Variants in MARCHF1 observed in about 807,000 individuals in gnomAD.
MARCHF1 encodes E3 ubiquitin-protein ligase MARCHF1.
MARCHF1 carries 40 observed loss-of-function variants against 54.2 expected under a neutral mutation model. The ratio of observed to expected loss-of-function variants is 0.74; its 90% CI spans 0.57 to 0.96. The LOEUF is 0.96. MARCHF1 is among the 40% of genes least tolerant of loss of function. The pLI, the probability that MARCHF1 is intolerant of heterozygous loss-of-function variation, is 0.00. For synonymous variants in MARCHF1, 236 were observed against 236.3 expected (o/e 1.00, Z 0.01); for missense variants, 586 against 656.5 (o/e 0.89, Z 1.17).
chr4:163,625,767 T>C (rs754977860), intron 5 of MARCHF1, among the ~76,000 whole-genome samples: 1 of 152,232 alleles, frequency 6.6e-6, no homozygotes, highest in Non-Finnish European at 1.5e-5. Flanking sequence ...TTGTAAAGTA[T>C]GAATTTCTAT....
intron 1 of MARCHF1, among the ~76,000 whole-genome samples, chr4:164,148,062 TTTTCA>T (rs2110895910): frequency 6.6e-6 from 1 of 152,126 alleles, no homozygotes; most frequent in South Asian, 2.1e-4. Context: ...TACTCAGTCC[TTTTCA>T]TTTCATATTT....
chr4:164,309,254 CTGTGTGTGTGTGTGTGTGTG>C (rs10577361), intron 1 of MARCHF1, among the ~76,000 whole-genome samples: 1 of 147,848 alleles, frequency 6.8e-6, no homozygotes, highest in African/African-American at 2.5e-5. Context: ...AATTTCTAAC[CTGTGTGTGTGTGTGTGTGTG>C]TGTGTGTGTG....
At position 163,811,042 on chromosome 4, in the gene MARCHF1, T is replaced by C. The variant is rs201664228; in HGVS notation, c.111+42979A>G. On this transcript the variant is annotated intron_variant, in intron 4 of 9. Coordinates refer to ENST00000514618, the MANE Select transcript of MARCHF1 (RefSeq NM_001394959.1). ...GTTTCACTACAGTAAAAGGTGATCATAATGGAAACCTGTCAGTTTTTGCCT... is the reference window on the plus strand; with the variant it reads ...GTTTCACTACAGTAAAAGGTGATCACAATGGAAACCTGTCAGTTTTTGCCT... Among the ~76,000 whole-genome samples the C allele has an allele frequency of 2.0e-4, 31 of 152,292 alleles. No homozygotes were observed. In the East Asian group the frequency reaches 5.6e-3, roughly 27 times the overall value.
At chr4:163,773,139 C>T (rs886810446) in intron 4 of MARCHF1, among the ~76,000 whole-genome samples, 11 of 152,092 alleles carry the variant, frequency 7.2e-5, no homozygotes, top group Non-Finnish European at 1.5e-4. Flanking sequence ...GTGCAGAGTC[C>T]AGCAGGAGAC....
At chr4:163,708,549 T>C (rs1170527962) in intron 4 of MARCHF1, among the ~76,000 whole-genome samples, 3 of 152,162 alleles carry the variant, frequency 2.0e-5, no homozygotes, top group African/African-American at 2.4e-5. Flanking sequence ...ATTGGATCTC[T>C]GGCATTTGAG....
At chr4:163,817,559 T>C (rs969834994) in intron 4 of MARCHF1, among the ~76,000 whole-genome samples, 2 of 152,040 alleles carry the variant, frequency 1.3e-5, no homozygotes, top group African/African-American at 4.8e-5. Flanking sequence ...GGTAATGAGA[T>C]CTACTTTCAC....
intron 1 of MARCHF1, among the ~76,000 whole-genome samples, chr4:164,151,990 A>T (rs1729955603): frequency 6.6e-6 from 1 of 151,836 alleles, no homozygotes; most frequent in Non-Finnish European, 1.5e-5. Context: ...ATATCTATAC[A>T]CTCATTTATT....
At chr4:163,733,990 A>G (rs1745958745) in intron 4 of MARCHF1, among the ~76,000 whole-genome samples, 1 of 152,210 alleles carries the variant, frequency 6.6e-6, no homozygotes, top group South Asian at 2.1e-4. Context: ...TTAAAGATGT[A>G]CAAATATTTG....
intron 5 of MARCHF1, among the ~76,000 whole-genome samples, chr4:163,670,902 A>G (rs1743713919): frequency 6.6e-6 from 1 of 152,186 alleles, no homozygotes; most frequent in Non-Finnish European, 1.5e-5. Context: ...GTGCCTAGCA[A>G]TGGTGAATTT....
intron 4 of MARCHF1, among the ~76,000 whole-genome samples, chr4:163,783,949 C>T (rs1044826667): frequency 6.6e-6 from 1 of 152,018 alleles, no homozygotes; most frequent in African/African-American, 2.4e-5. Flanking sequence ...AATATTTTAC[C>T]CTGGAAAAAA....
At chr4:163,534,918 T>G (rs769527626) in intron 9 of MARCHF1, among the ~76,000 whole-genome samples, 3 of 152,108 alleles carry the variant, frequency 2.0e-5, no homozygotes, top group Non-Finnish European at 4.4e-5. Flanking sequence ...AGAAACATTT[T>G]CATTTTAGGA....
At chr4:164,040,969 A>G (rs1754116831) in intron 2 of MARCHF1, among the ~76,000 whole-genome samples, 1 of 152,134 alleles carries the variant, frequency 6.6e-6, no homozygotes, top group Admixed American at 6.6e-5. Context: ...AGTGAAATAT[A>G]TGTTCACTAC....
At chr4:164,296,500 G>C (rs1385913770) in intron 1 of MARCHF1, among the ~76,000 whole-genome samples, 1 of 152,076 alleles carries the variant, frequency 6.6e-6, no homozygotes, top group Non-Finnish European at 1.5e-5. Context: ...TTCCCGAGTA[G>C]GTGGGATTAC....
At chr4:163,624,929 A>T (rs1741818219) in intron 5 of MARCHF1, among the ~76,000 whole-genome samples, 1 of 152,226 alleles carries the variant, frequency 6.6e-6, no homozygotes, top group African/African-American at 2.4e-5. Context: ...CTGAAGTTAC[A>T]ACCCCAGTCA....
At chr4:163,911,568 A>G (rs975753558) in intron 3 of MARCHF1, among the ~76,000 whole-genome samples, 1 of 152,172 alleles carries the variant, frequency 6.6e-6, no homozygotes, top group African/African-American at 2.4e-5. Flanking sequence ...ATATTCTGGT[A>G]CAGATTAACA....
At chr4:163,726,093 C>G (rs1745643878) in intron 4 of MARCHF1, among the ~76,000 whole-genome samples, 1 of 152,140 alleles carries the variant, frequency 6.6e-6, no homozygotes, top group African/African-American at 2.4e-5. Flanking sequence ...AATCCTGTCC[C>G]ATTTGTTACA....
intron 1 of MARCHF1, among the ~76,000 whole-genome samples, chr4:164,379,753 A>C (rs1288694803): frequency 2.0e-5 from 3 of 152,138 alleles, no homozygotes; most frequent in African/African-American, 7.2e-5. Flanking sequence ...TGGGAGGCTG[A>C]GGCAGGCAGA....
At chr4:163,723,788 T>C (rs987424322) in intron 4 of MARCHF1, among the ~76,000 whole-genome samples, 1 of 152,252 alleles carries the variant, frequency 6.6e-6, no homozygotes, top group Non-Finnish European at 1.5e-5. Context: ...CTTCAATCAC[T>C]GATACCCTTT....
chr4:164,330,343 A>C (rs1258227264), intron 1 of MARCHF1, among the ~76,000 whole-genome samples: 1 of 152,074 alleles, frequency 6.6e-6, no homozygotes, highest in African/African-American at 2.4e-5. Context: ...ACCAAACCTC[A>C]TGTACAGGAT....
Sources: allele counts gnomAD v4.1 joint callset (sites outside exome capture counted in the v4.1 genomes callset), GRCh38; gene constraint gnomAD v4.1.1; transcripts MANE v1.5; gene names NCBI Gene and HGNC (gene_info 2026-07-23, HGNC 2026-07-21).